Variants in SMARCA2 observed in about 807,000 individuals in gnomAD.
The protein encoded by SMARCA2 is SWI/SNF related BAF chromatin remodeling complex subunit ATPase 2, also known as SWI/SNF-related matrix-associated actin-dependent regulator of chromatin subfamily A member 2.
Under a neutral mutation model 199.8 loss-of-function variants are expected in SMARCA2, and 61 were observed. The observed-to-expected ratio is 0.31, with a 90% CI of 0.25 to 0.38. The LOEUF is 0.38. Among genes scored for constraint, SMARCA2 ranks in the 10% least tolerant of loss-of-function variants. The probability of loss-of-function intolerance (pLI) is 1.00; values close to 1 mark genes in which losing one functional copy is unlikely to be tolerated. For synonymous variants in SMARCA2, 935 were observed against 732.0 expected, an observed-to-expected ratio of 1.28 and a Z score of -4.48; for missense variants, 1,344 against 2,012.2, an observed-to-expected ratio of 0.67 and a Z score of 6.35.
chr9:2,040,084 C>A, intron 4 of SMARCA2, 184 bp downstream of exon 4: 1 of 1,188,944 alleles, frequency 8.4e-7, no homozygotes, highest in Non-Finnish European at 1.1e-6. Flanking sequence ...CTGTTGAGAC[C>A]TAGGGCAGTG....
At chr9:2,095,935 G>T (rs150639615) in intron 19 of SMARCA2, among the ~76,000 whole-genome samples, 1,598 of 152,332 alleles carry the variant, frequency 0.01, 25 homozygotes, top group African/African-American at 0.036. Context: ...TGTATTAGGA[G>T]TATGATAAAG....
At position 2,119,509 on chromosome 9, in the gene SMARCA2, C is replaced by T; in HGVS notation, c.3736C>T (p.Arg1246Ter). 1 of 1,612,220 alleles carries T rather than the reference C, an allele frequency of 6.2e-7. No homozygotes were observed. Among genetic ancestry groups the T allele is most frequent in the Non-Finnish European group, 8.5e-7 (1 of 1,178,358 alleles). The change falls in exon 26 of 34, where the codon CGA (arginine) becomes TGA (stop). Residue 1246 changes from arginine (R) to a stop codon, truncating the protein, a stop_gained. Transcript: ENST00000349721. LOFTEE classifies it high-confidence loss of function. The surrounding 1 kb of genome is among the most constrained non-coding windows in gnomAD (Gnocchi z 4.6). ...DETLNQMIAR[R>*]EEEFDLFMRM... ...GACTCTGAACCAAATGATTGCTCGA[C>T]GAGAAGAAGAATTTGACCTTTTTAT...
intron 27 of SMARCA2, among the ~76,000 whole-genome samples, chr9:2,155,086 G>C (rs750887896): frequency 7.2e-5 from 11 of 152,238 alleles, no homozygotes; most frequent in South Asian, 6.2e-4. Flanking sequence ...TGCCTAACTT[G>C]TAAGAACAAA....
At chr9:2,054,873 G>A in intron 6 of SMARCA2, 150 bp downstream of exon 6, 1 of 767,666 alleles carries the variant, frequency 1.3e-6, no homozygotes, top group Non-Finnish European at 2.0e-6. Context: ...TAGACCAACA[G>A]CTTACAACTA....
chr9:2,185,374 C>T (rs999884924), intron 31 of SMARCA2, among the ~76,000 whole-genome samples: 1 of 152,128 alleles, frequency 6.6e-6, no homozygotes, highest in Non-Finnish European at 1.5e-5. Context: ...AATAATATTC[C>T]ATTAAATGTA....
At chr9:2,107,516 C>G (rs773836327) in intron 23 of SMARCA2, among the ~76,000 whole-genome samples, 3 of 152,016 alleles carry the variant, frequency 2.0e-5, no homozygotes, top group Non-Finnish European at 4.4e-5. Flanking sequence ...TGGGGTTTTA[C>G]CATGTTGGCC....
At chr9:2,090,722 CTT>C (rs1822017841) in intron 19 of SMARCA2, among the ~76,000 whole-genome samples, 1 of 152,160 alleles carries the variant, frequency 6.6e-6, no homozygotes, top group African/African-American at 2.4e-5. Context: ...TCGCTGTTCT[CTT>C]GTCTTTGCTC....
intron 8 of SMARCA2, among the ~76,000 whole-genome samples, chr9:2,060,118 C>CAAAAAAAAAAAAAAAA (rs372329238): frequency 1.4e-4 from 9 of 62,412 alleles, no homozygotes; most frequent in African/African-American, 3.5e-4. Context: ...GATCTGTGGC[C>CAAAAAAAAAAAAAAAA]AAAAAAAAAA....
At chr9:2,165,790 A>G (rs572796196) in intron 28 of SMARCA2, among the ~76,000 whole-genome samples, 1 of 152,112 alleles carries the variant, frequency 6.6e-6, no homozygotes, top group African/African-American at 2.4e-5. Context: ...AGCTATTCCA[A>G]CTCTAGAGAC....
intron 4 of SMARCA2, chr9:2,042,042 T>G: frequency 6.6e-6 from 1 of 152,166 alleles, no homozygotes; most frequent in East Asian, 1.9e-4. Flanking sequence ...GCAAAAAGGC[T>G]CATGACAAGG....
At chr9:2,059,210 T>A (rs1182459813) in intron 8 of SMARCA2, among the ~76,000 whole-genome samples, 1 of 152,130 alleles carries the variant, frequency 6.6e-6, no homozygotes, top group Non-Finnish European at 1.5e-5. Context: ...GACCTGCAGA[T>A]TCTATCTAGG....
At chr9:2,101,287 C>T (rs1822502394) in intron 21 of SMARCA2, among the ~76,000 whole-genome samples, 3 of 152,044 alleles carry the variant, frequency 2.0e-5, no homozygotes, top group Admixed American at 2.0e-4. Flanking sequence ...ATTGGCTCCG[C>T]TATGGGCCAG....
At chr9:2,102,780 G>T (rs771881886) in intron 22 of SMARCA2, among the ~76,000 whole-genome samples, 1 of 152,064 alleles carries the variant, frequency 6.6e-6, no homozygotes, top group African/African-American at 2.4e-5. Flanking sequence ...TTATAAAAAG[G>T]TACGCCAGAC....
At chr9:2,172,467 G>A (rs1190878423) in intron 29 of SMARCA2, among the ~76,000 whole-genome samples, 3 of 151,856 alleles carry the variant, frequency 2.0e-5, no homozygotes, top group African/African-American at 4.8e-5. Flanking sequence ...TGGTATGTGC[G>A]GGAAGGGGGG....
intron 13 of SMARCA2, among the ~76,000 whole-genome samples, chr9:2,076,644 C>A (rs1407736801): frequency 1.1e-4 from 17 of 152,020 alleles, no homozygotes; most frequent in Non-Finnish European, 1.5e-5. Context: ...GCACCTCAGT[C>A]CCAGATTGAA....
intron 3 of SMARCA2, among the ~76,000 whole-genome samples, chr9:2,036,575 C>G (rs1819345571): frequency 6.6e-6 from 1 of 152,146 alleles, no homozygotes; most frequent in South Asian, 2.1e-4. Flanking sequence ...ATAAAAATCT[C>G]TATTTTTAAT....
At chr9:2,021,233 A>C (rs1317421236) in intron 1 of SMARCA2, among the ~76,000 whole-genome samples, 2 of 152,152 alleles carry the variant, frequency 1.3e-5, no homozygotes, top group Non-Finnish European at 2.9e-5. Flanking sequence ...GATGAATGGG[A>C]CCCACAGAAG....
intron 27 of SMARCA2, among the ~76,000 whole-genome samples, chr9:2,131,832 C>G (rs1021238410): frequency 6.6e-6 from 1 of 151,200 alleles, no homozygotes; most frequent in Non-Finnish European, 1.5e-5. Flanking sequence ...CCCAGCTACT[C>G]GGGAGGCTGA....
At chr9:2,140,559 G>A (rs1824413159) in intron 27 of SMARCA2, among the ~76,000 whole-genome samples, 1 of 152,076 alleles carries the variant, frequency 6.6e-6, no homozygotes, top group African/African-American at 2.4e-5. Flanking sequence ...TGAAGCTTTG[G>A]GTTTTTATGT....
Sources: gnomAD v4.1 joint callset for allele counts (sites outside exome capture counted in the v4.1 genomes callset) on GRCh38, gnomAD v4.1.1 for gene constraint, Gnocchi (gnomAD v3.1) non-coding constraint, MANE v1.5 for transcripts, NCBI Gene and HGNC (gene_info 2026-07-23, HGNC 2026-07-21) for gene names.